TRAP1: variants seen among roughly 807,000 people sequenced by gnomAD.
TRAP1 encodes the protein heat shock protein 75 kDa, mitochondrial.
TRAP1 carries 102 observed loss-of-function variants against 89.1 expected under a neutral mutation model. That is an observed-to-expected ratio of 1.15 (90% CI 0.98 to 1.35). The LOEUF is 1.35. TRAP1 is among the 40% of genes most tolerant of loss of function. The pLI, the probability that TRAP1 is intolerant of heterozygous loss-of-function variation, is 0.00. For synonymous variants in TRAP1, 508 were observed against 388.0 expected (o/e 1.31, Z -3.64); for missense variants, 1,256 against 945.3 (o/e 1.33, Z -4.31).
intron 13 of TRAP1, 58 bp from the exon 14 acceptor site, chr16:3,663,620 G>T (rs1031858332): frequency 3.1e-6 from 5 of 1,605,796 alleles, no homozygotes; most frequent in Admixed American, 1.7e-5. Flanking sequence ...CACCACAGAA[G>T]AAAGGATGAG....
At chr16:3,714,555 A>C (rs1002699845) in intron 1 of TRAP1, among the ~76,000 whole-genome samples, 3 of 152,190 alleles carry the variant, frequency 2.0e-5, no homozygotes, top group Non-Finnish European at 4.4e-5. Flanking sequence ...GCTACGTGGG[A>C]GGCGAAGTCA....
chr16:3,679,890 G>T, intron 4 of TRAP1, 100 bp from the exon 5 acceptor site: 3 of 1,086,208 alleles, frequency 2.8e-6, no homozygotes, highest in Non-Finnish European at 2.8e-6. Context: ...AATGACATTG[G>T]CCAGACAGGG....
chr16:3,693,463 T>C (rs1241913990), intron 1 of TRAP1, among the ~76,000 whole-genome samples: 2 of 151,762 alleles, frequency 1.3e-5, no homozygotes, highest in Non-Finnish European at 2.9e-5. Flanking sequence ...TCGCGAACAG[T>C]CTACATCAAA....
rs569588457 is a variant in TRAP1 at position 3,688,933 on chromosome 16, G to T, written c.330+122C>A. Reference sequence around the variant, plus strand: ...CACTGGTAGCTTAAGATGAGGACCTGTCCAAAGTTTAATGCTTTCTCACAG... The same window carrying T: ...CACTGGTAGCTTAAGATGAGGACCTTTCCAAAGTTTAATGCTTTCTCACAG... On this transcript the variant is annotated intron_variant, in intron 3 of 17. Transcript: ENST00000246957. The T allele has an allele frequency of 1.5e-5, 13 of 882,690 alleles. 1 individual carries two copies. In the South Asian group the frequency reaches 2.3e-4, roughly 16 times the overall value. The allele number at this position is 882,690 out of a possible 1,614,324, so 54.7% of individuals were successfully genotyped here.
rs1382120219 is a variant in TRAP1 at position 3,658,968 on chromosome 16, CTG to C, written c.1941-105_1941-104del. ...GGATATTTAAAGAAGCACAGTAAGA[CTG>C]TCTGTAGTTTTTTAAATAAGGTATG... On this transcript the variant is annotated intron_variant, in intron 16 of 17. Transcript: ENST00000246957. 3 of 1,179,738 alleles carry C rather than the reference CTG, an allele frequency of 2.5e-6. No homozygotes were observed. The African/African-American group carries it at 4.6e-5, about 18-fold the overall frequency. 73.1% of individuals were successfully genotyped at this position (1,179,738 alleles called of 1,614,324 possible).
At chr16:3,690,121 C>G (rs990097118) in intron 2 of TRAP1, among the ~76,000 whole-genome samples, 19 of 152,244 alleles carry the variant, frequency 1.2e-4, no homozygotes, top group African/African-American at 4.3e-4. Context: ...ATTCTCCTGC[C>G]TCAGCCTCTC....
intron 1 of TRAP1, among the ~76,000 whole-genome samples, chr16:3,701,550 C>CA (rs34870237): frequency 0.5 from 60,017 of 119,862 alleles, 13,911 homozygotes; most frequent in East Asian, 0.64. Context: ...GACCCTGTCC[C>CA]AAAAAAAAAA....
intron 8 of TRAP1, 132 bp from the exon 9 acceptor site, chr16:3,674,626 G>A (rs756224682): frequency 2.4e-5 from 27 of 1,114,906 alleles, no homozygotes; most frequent in Admixed American, 1.4e-4. Context: ...GGTCTCAGGC[G>A]TAGACCCCTC....
In TRAP1 at chr16:3,690,834, G is replaced by T; in HGVS notation, c.240C>A (p.Ser80Arg). 6.7e-7 allele frequency: 1 copy of T among 1,486,402 alleles called. No individual in the cohort carries two copies. Among genetic ancestry groups the T allele is most frequent in the African/African-American group, 1.4e-5 (1 of 69,808 alleles). 92.1% of individuals were successfully genotyped at this position (1,486,402 alleles called of 1,614,324 possible). A position where few individuals can be genotyped will look rare whatever the true frequency, so the allele number is the denominator to read the frequency against. ...AGCACGAGCCAAGGCTACCCTGCACGCTCTCTGTGCTGCTGATAATCGAGT... is the reference window on the plus strand; with the variant it reads ...AGCACGAGCCAAGGCTACCCTGCACTCTCTCTGTGCTGCTGATAATCGAGT... The part of the protein sequence containing the change: ...PLHSIISSTE[S>R]VQGSTSKHEF... Residue 80 changes from serine to arginine, a missense_variant, in exon 2 of 18, where the codon AGC (serine) becomes AGA (arginine). Ser to Arg is a moderately radical substitution (Grantham distance 110). Transcript: ENST00000246957.
intron 1 of TRAP1, among the ~76,000 whole-genome samples, chr16:3,708,883 G>T (rs775186505): frequency 6.7e-6 from 1 of 148,272 alleles, no homozygotes; most frequent in Non-Finnish European, 1.5e-5. Context: ...TGGTGCGATC[G>T]CGGCTCACTG....
Position 3,658,164 on chromosome 16 carries a change from T to G in TRAP1, c.2080A>C (p.Asn694His), listed in dbSNP as rs2042825786. ...TCCAGGGCCTTGACAAGCAGCTCAT[T>G]CAAGCGGCCCACCATGGCCCTAGGG... ...DDPRAMVGRL[N>H]ELLVKALERH The change falls in exon 18 of 18, where the codon AAT becomes CAT. Residue 694 changes from asparagine (N) to histidine (H), a missense_variant. By Grantham distance (68) the Asn-to-His change is moderately conservative (BLOSUM62 1). Transcript: ENST00000246957. 2.5e-6 allele frequency: 4 copies of G among 1,613,938 alleles called. No individual in the cohort carries two copies. The highest frequency in any genetic ancestry group is 3.4e-6 in the Non-Finnish European group (4 of 1,179,886).
rs563754026 is a variant in TRAP1 at position 3,681,350 on chromosome 16, C to T, written c.472-1560G>A. Among the ~76,000 whole-genome samples, 397 of 152,354 alleles carry T rather than the reference C, an allele frequency of 2.6e-3. 1 individual carries two copies. Among genetic ancestry groups the T allele is most frequent in the Admixed American group, 5.6e-3 (86 of 15,296 alleles). ...CAAAGCAAGGGTGGTCAGTGCCACTCAGCAAATAATCCACAGCAAGCAGCA... is the reference window on the plus strand; with the variant it reads ...CAAAGCAAGGGTGGTCAGTGCCACTTAGCAAATAATCCACAGCAAGCAGCA... On this transcript the variant is annotated intron_variant, in intron 4 of 17. Transcript: ENST00000246957.
chr16:3,663,816 G>A, intron 13 of TRAP1: 1 of 497,346 alleles, frequency 2.0e-6, no homozygotes, highest in East Asian at 3.5e-5. Context: ...GCTCACGCCT[G>A]TAATCCCAGC....
chr16:3,658,272 C>T (rs1033444894), intron 17 of TRAP1, 42 bp from the exon 18 acceptor site: 10 of 1,464,092 alleles, frequency 6.8e-6, no homozygotes, highest in Non-Finnish European at 8.4e-6. Context: ...GGGCATGGGG[C>T]ACCTTTTCAT....
chr16:3,687,014 C>G (rs2051147257), intron 3 of TRAP1: 1 of 152,140 alleles, frequency 6.6e-6, no homozygotes. Context: ...TCTTTCCCAA[C>G]TCCTGCACAG....
intron 8 of TRAP1, 83 bp from the exon 9 acceptor site, chr16:3,674,577 C>A: frequency 6.6e-7 from 1 of 1,518,532 alleles, no homozygotes; most frequent in South Asian, 1.2e-5. Flanking sequence ...GCCAGTGCAG[C>A]GCCTGGCCCT....
chr16:3,675,330 G>C lies in TRAP1; in HGVS notation c.882C>G (p.Thr294=). 6.2e-7 allele frequency: 1 copy of C among 1,614,042 alleles called. No individual in the cohort carries two copies. Among genetic ancestry groups the C allele is most frequent in the Non-Finnish European group, 8.5e-7 (1 of 1,179,942 alleles). The change falls in exon 8 of 18, where the codon ACC becomes ACG. Residue 294 remains threonine (T), a synonymous_variant. Transcript: ENST00000246957. ...PLYLNGRRMN[T]LQAIWMMDPK... ...AGAGGAACTCAGGGCTCACCTGCAA[G>C]GTGTTCATCCGCCTTCCATTCAAGT... is the stretch of plus-strand genomic sequence containing the variant.
At chr16:3,682,665 T>C (rs1019822998) in intron 4 of TRAP1, among the ~76,000 whole-genome samples, 4 of 152,092 alleles carry the variant, frequency 2.6e-5, no homozygotes, top group South Asian at 2.1e-4. Flanking sequence ...AGTGCTAGGA[T>C]TACAGGCGTG....
chr16:3,662,726 G>C (rs111945995), intron 15 of TRAP1, 156 bp downstream of exon 15: 3 of 730,624 alleles, frequency 4.1e-6, no homozygotes, highest in African/African-American at 1.7e-5. Context: ...CGAGCAACAC[G>C]TGCCGAGCAG....
Sources: gnomAD v4.1 joint callset for allele counts (sites outside exome capture counted in the v4.1 genomes callset) on GRCh38, gnomAD v4.1.1 for gene constraint, MANE v1.5 for transcripts, NCBI Gene and HGNC (gene_info 2026-07-23, HGNC 2026-07-21) for gene names.